The following AGBL1 variants were observed in gnomAD, a reference collection of about 807,000 sequenced individuals.
AGBL1 encodes the protein cytosolic carboxypeptidase 4.
A neutral mutation model predicts 118.9 loss-of-function variants in AGBL1; 130 were observed. That is an observed-to-expected ratio of 1.09 (90% CI 0.95 to 1.26). AGBL1 has a LOEUF of 1.26. Among genes scored for constraint, AGBL1 ranks in the 50% most tolerant of loss-of-function variants. The pLI, the probability that AGBL1 is intolerant of heterozygous loss-of-function variation, is 0.00. For missense variants in AGBL1, 1,584 were observed against 1,298.1 expected (o/e 1.22, Z -3.38); for synonymous variants, 555 against 478.9 (o/e 1.16, Z -2.08).
At chr15:86,552,163 G>A (rs1002904672) in intron 20 of AGBL1, among the ~76,000 whole-genome samples, 24 of 152,120 alleles carry the variant, frequency 1.6e-4, no homozygotes, top group African/African-American at 5.1e-4. Flanking sequence ...TTCTATGTAG[G>A]TTCAGCAGTT....
chr15:86,969,042 T>C (rs1435337497), intron 23 of AGBL1, among the ~76,000 whole-genome samples: 1 of 151,988 alleles, frequency 6.6e-6, no homozygotes, highest in Admixed American at 6.6e-5. Flanking sequence ...AACATTTAAA[T>C]CATAGTACTC....
chr15:86,689,023 G>A (rs72763952), intron 22 of AGBL1, among the ~76,000 whole-genome samples: 13 of 152,124 alleles, frequency 8.5e-5, no homozygotes, highest in African/African-American at 1.7e-4. Context: ...CGAATTACTC[G>A]TGTTCTAATC....
intron 1 of AGBL1, among the ~76,000 whole-genome samples, chr15:86,120,773 A>AC (rs2042643462): frequency 6.6e-6 from 1 of 152,200 alleles, no homozygotes; most frequent in Non-Finnish European, 1.5e-5. Context: ...CTCTAGAAAT[A>AC]CCCCTTTGGC....
At chr15:86,438,935 A>T (rs1269128116) in intron 18 of AGBL1, among the ~76,000 whole-genome samples, 1 of 152,170 alleles carries the variant, frequency 6.6e-6, no homozygotes, top group East Asian at 1.9e-4. Context: ...TGCTGGGATT[A>T]CAGGCATGAG....
At chr15:86,136,814 T>C (rs2076895715) in intron 1 of AGBL1, among the ~76,000 whole-genome samples, 1 of 152,104 alleles carries the variant, frequency 6.6e-6, no homozygotes, top group African/African-American at 2.4e-5. Context: ...TAGAAGATTT[T>C]AAAGCAGGGA....
rs1482115835 is a variant in AGBL1, at chr15:86,777,512, A to C, written c.3158+103076A>C. On this transcript the variant is annotated intron_variant, in intron 22 of 22. Coordinates refer to ENST00000614907, the MANE Select transcript of AGBL1 (RefSeq NM_001386094.1). ...GTTTAGAATCTGCATGTCAAAGTTCATGAAAGATCTTTTTGGAATTTTAAC... is the reference window on the plus strand; with the variant it reads ...GTTTAGAATCTGCATGTCAAAGTTCCTGAAAGATCTTTTTGGAATTTTAAC... Among the ~76,000 whole-genome samples, 3 of 151,908 alleles carry C rather than the reference A, an allele frequency of 2.0e-5. 1 individual carries two copies. The highest frequency in any genetic ancestry group is 2.9e-5 in the Non-Finnish European group (2 of 68,000).
chr15:86,837,153 A>G (rs537181415), intron 22 of AGBL1, among the ~76,000 whole-genome samples: 1 of 152,026 alleles, frequency 6.6e-6, no homozygotes, highest in East Asian at 1.9e-4. Context: ...ATACAACTTC[A>G]GGATCCCTGC....
At chr15:86,753,429 A>C (rs1462699326) in intron 22 of AGBL1, among the ~76,000 whole-genome samples, 1 of 106,116 alleles carries the variant, frequency 9.4e-6, no homozygotes, top group South Asian at 2.9e-4. Flanking sequence ...ACAGAGTCTT[A>C]CTCTGTCGCC....
chr15:86,822,705 A>G (rs78251258), intron 22 of AGBL1, among the ~76,000 whole-genome samples: 3 of 152,114 alleles, frequency 2.0e-5, no homozygotes, highest in African/African-American at 7.2e-5. Flanking sequence ...GGAGGTAAAC[A>G]TCTAACAGGG....
chr15:86,208,260 G>C (rs1567126840), intron 5 of AGBL1, among the ~76,000 whole-genome samples: 1 of 152,156 alleles, frequency 6.6e-6, no homozygotes, highest in African/African-American at 2.4e-5. Flanking sequence ...ATGTTCATCA[G>C]GGATATTGGT....
chr15:86,195,873 C>A (rs1478505957), intron 5 of AGBL1, among the ~76,000 whole-genome samples: 2 of 152,162 alleles, frequency 1.3e-5, no homozygotes, highest in East Asian at 3.9e-4. Context: ...TTGTCATTTG[C>A]CCATATTTCT....
chr15:86,495,968 A>T (rs2142151508), intron 18 of AGBL1, among the ~76,000 whole-genome samples: 1 of 151,650 alleles, frequency 6.6e-6, no homozygotes, highest in African/African-American at 2.4e-5. Flanking sequence ...CACCCCCAAT[A>T]CTAGTATTGC....
intron 24 of AGBL1, among the ~76,000 whole-genome samples, chr15:87,014,165 G>C (rs72757500): frequency 1.3e-5 from 2 of 152,134 alleles, no homozygotes; most frequent in Non-Finnish European, 2.9e-5. Context: ...ATGTTATTTA[G>C]AAAGTCTTAA....
chr15:86,961,893 G>C (rs1224936339), intron 23 of AGBL1, among the ~76,000 whole-genome samples: 2 of 151,960 alleles, frequency 1.3e-5, no homozygotes, highest in Non-Finnish European at 2.9e-5. Context: ...TCCTGAAGAG[G>C]GCAGTGAAGG....
chr15:86,692,400 C>G (rs1597827), intron 22 of AGBL1, among the ~76,000 whole-genome samples: 83,118 of 151,636 alleles, frequency 0.55, 23,391 homozygotes, highest in Non-Finnish European at 0.6. Flanking sequence ...GTTAGTATCA[C>G]CCTTAGTGAG....
intron 17 of AGBL1, among the ~76,000 whole-genome samples, chr15:86,322,085 GTAAC>G (rs1234461843): frequency 4.7e-5 from 7 of 149,954 alleles, no homozygotes; most frequent in Non-Finnish European, 1.0e-4. Context: ...GCTAATTTTT[GTAAC>G]TATCTCGTGT....
Position 86,247,748 on chromosome 15 carries a change from G to C in AGBL1, c.604G>C (p.Asp202His), listed in dbSNP as rs1456736233. The change falls in exon 7 of 23, where the codon GAC (aspartate) becomes CAC (histidine). Residue 202 changes from aspartate to histidine, a missense_variant. Transcript: ENST00000614907. Reference sequence around the variant, plus strand: ...GCTGCACCAGGACTGGCACAGCCATGACACAGCCAACGCCTACGTGCAGAT... The same window carrying C: ...GCTGCACCAGGACTGGCACAGCCATCACACAGCCAACGCCTACGTGCAGAT... ...LGLHQDWHSH[D>H]TANAYVQIRR... 3 of 1,613,938 alleles carry C rather than the reference G, an allele frequency of 1.9e-6. No homozygotes were observed. In the East Asian group the frequency reaches 6.7e-5, roughly 36 times the overall value.
At chr15:86,490,662 T>C (rs1056667727) in intron 18 of AGBL1, among the ~76,000 whole-genome samples, 1 of 152,134 alleles carries the variant, frequency 6.6e-6, no homozygotes, top group Non-Finnish European at 1.5e-5. Flanking sequence ...GCCTTGCTGT[T>C]TTTATCACTG....
Position 86,225,615 on chromosome 15 carries a change from T to C in AGBL1, c.526+664T>C, listed in dbSNP as rs146332524. 7.8e-3 allele frequency among the ~76,000 whole-genome samples: 1,193 copies of C among 152,302 alleles called. 13 individuals carry two copies. Among genetic ancestry groups the C allele is most frequent in the African/African-American group, 0.028 (1,157 of 41,560 alleles). On this transcript the variant is annotated intron_variant, in intron 6 of 22. Transcript: ENST00000614907. ...TTACGTTGGGAGTCAATTTCATGTG[T>C]GCAATATAATAGCAGGCACAATGCA... is the stretch of plus-strand genomic sequence containing the variant.
Sources: allele counts gnomAD v4.1 joint callset (sites outside exome capture counted in the v4.1 genomes callset), GRCh38; gene constraint gnomAD v4.1.1; transcripts MANE v1.5; gene names NCBI Gene and HGNC (gene_info 2026-07-23, HGNC 2026-07-21).